SPON1: variants seen among roughly 807,000 people sequenced by gnomAD.
SPON1 encodes the protein spondin-1.
Under a neutral mutation model 111.7 loss-of-function variants are expected in SPON1, and 52 were observed. The ratio of observed to expected loss-of-function variants is 0.47; its 90% CI spans 0.37 to 0.59. SPON1 has a LOEUF of 0.59. Among genes scored for constraint, SPON1 ranks in the 20% least tolerant of loss-of-function variants. The pLI, the probability that SPON1 is intolerant of heterozygous loss-of-function variation, is 0.00. For missense variants in SPON1, 957 were observed against 1,068.5 expected (o/e 0.90, Z 1.46); for synonymous variants, 410 against 395.8 (o/e 1.04, Z -0.43).
At chr11:14,153,428 G>A (rs149399538) in intron 6 of SPON1, among the ~76,000 whole-genome samples, 1 of 152,266 alleles carries the variant, frequency 6.6e-6, no homozygotes, top group East Asian at 1.9e-4. Flanking sequence ...GTCCTATAAG[G>A]CTGGAGCAGG....
chr11:14,191,011 T>TAAAAAAAAAAAAAAA (rs1564927675), intron 6 of SPON1, among the ~76,000 whole-genome samples: 2 of 151,410 alleles, frequency 1.3e-5, no homozygotes, highest in African/African-American at 4.9e-5. Flanking sequence ...CATCACTTGG[T>TAAAAAAAAAAAAAAA]ATATAAAGAA....
intron 2 of SPON1, among the ~76,000 whole-genome samples, chr11:14,036,210 T>G (rs61120581): frequency 6.6e-6 from 1 of 152,172 alleles, no homozygotes; most frequent in African/African-American, 2.4e-5. Flanking sequence ...TATATTGTAA[T>G]GATATTTGTG....
At chr11:14,078,923 T>C (rs1406186451) in intron 4 of SPON1, among the ~76,000 whole-genome samples, 1 of 152,184 alleles carries the variant, frequency 6.6e-6, no homozygotes, top group African/African-American at 2.4e-5. Context: ...GGAAGTCTTG[T>C]AAAATGCTCT....
At chr11:14,116,345 C>T (rs1554926003) in intron 5 of SPON1, among the ~76,000 whole-genome samples, 1 of 152,018 alleles carries the variant, frequency 6.6e-6, no homozygotes, top group African/African-American at 2.4e-5. Context: ...CTTGTATTTC[C>T]TTCCAAAAGC....
At chr11:14,037,897 C>T (rs189237707) in intron 2 of SPON1, among the ~76,000 whole-genome samples, 5 of 152,250 alleles carry the variant, frequency 3.3e-5, no homozygotes, top group East Asian at 1.9e-4. Flanking sequence ...AAGGGCCAGG[C>T]GCGGTGGGTC....
At chr11:13,969,421 GGT>G (rs1238752980) in intron 1 of SPON1, among the ~76,000 whole-genome samples, 1 of 151,942 alleles carries the variant, frequency 6.6e-6, no homozygotes, top group Non-Finnish European at 1.5e-5. Flanking sequence ...GGAGTGCTGG[GGT>G]GTGTATGTGC....
At chr11:13,998,714 A>C (rs1398040359) in intron 2 of SPON1, among the ~76,000 whole-genome samples, 1 of 152,146 alleles carries the variant, frequency 6.6e-6, no homozygotes, top group Non-Finnish European at 1.5e-5. Context: ...GCCAGGTGAT[A>C]AGTGCTTTCC....
chr11:13,966,895 C>A (rs1167997923), intron 1 of SPON1, among the ~76,000 whole-genome samples: 1 of 152,104 alleles, frequency 6.6e-6, no homozygotes, highest in Non-Finnish European at 1.5e-5. Flanking sequence ...AGAAATAATT[C>A]ATGTCAAAAG....
At chr11:14,023,259 G>C (rs1418383384) in intron 2 of SPON1, among the ~76,000 whole-genome samples, 2 of 152,180 alleles carry the variant, frequency 1.3e-5, no homozygotes, top group Non-Finnish European at 2.9e-5. Context: ...TTAAATGTGC[G>C]CTCTGGCTTC....
At position 14,135,941 on chromosome 11, in the gene SPON1, ATGTT is replaced by A. The variant is rs1847586320; in HGVS notation, c.825+376_825+379del. ...CTGTCCAGCCAAATCCCCAAAATAA[ATGTT>A]TGAGTATTGGCACGTGCTTTTTGCA... On this transcript the variant is annotated intron_variant, in intron 6 of 15. Coordinates refer to ENST00000576479, the MANE Select transcript of SPON1 (RefSeq NM_006108.4). The surrounding 1 kb of genome is among the most constrained non-coding windows in gnomAD (Gnocchi z 4.4). Among the ~76,000 whole-genome samples, 1 of 152,260 alleles carries A rather than the reference ATGTT, an allele frequency of 6.6e-6. No individual in the cohort carries two copies. The highest frequency in any genetic ancestry group is 2.4e-5 in the African/African-American group (1 of 41,546).
At chr11:14,096,114 A>C (rs1849098979) in intron 5 of SPON1, among the ~76,000 whole-genome samples, 1 of 152,246 alleles carries the variant, frequency 6.6e-6, no homozygotes, top group Non-Finnish European at 1.5e-5. Flanking sequence ...AAGAGAAAGG[A>C]TTAAATATCT....
At chr11:14,099,340 C>A (rs73424107) in intron 5 of SPON1, among the ~76,000 whole-genome samples, 3,688 of 152,218 alleles carry the variant, frequency 0.024, 145 homozygotes, top group African/African-American at 0.083. Flanking sequence ...CACACATCCA[C>A]TTTTATATAT....
At chr11:13,967,022 T>A (rs1457371843) in intron 1 of SPON1, among the ~76,000 whole-genome samples, 2 of 152,248 alleles carry the variant, frequency 1.3e-5, no homozygotes, top group African/African-American at 4.8e-5. Flanking sequence ...TTCCGACTCA[T>A]CTCACTTATT....
In SPON1 at chr11:14,259,457, G is replaced by C; in HGVS notation, c.1663+7G>C. The C allele has an allele frequency of 6.2e-7, 1 of 1,603,724 alleles. No individual in the cohort carries two copies. Among genetic ancestry groups the C allele is most frequent in the Non-Finnish European group, 8.5e-7 (1 of 1,175,392 alleles). ...ACGGTCAACGAGGAGTGCTGTGAGT[G>C]GGGGCCCCGGGCGGGCAGGCGGGCA... is the stretch of plus-strand genomic sequence containing the variant. On this transcript the variant is annotated splice_region_variant and intron_variant, in intron 12 of 15. Coordinates refer to ENST00000576479, the MANE Select transcript of SPON1 (RefSeq NM_006108.4). The surrounding 1 kb of genome is among the most constrained non-coding windows in gnomAD (Gnocchi z 5.0).
At chr11:13,986,059 C>A (rs2133783491) in intron 2 of SPON1, among the ~76,000 whole-genome samples, 1 of 152,332 alleles carries the variant, frequency 6.6e-6, no homozygotes, top group South Asian at 2.1e-4. Flanking sequence ...TATTCAGCAG[C>A]ATTTGTTGAG....
chr11:14,089,435 C>G (rs558623156), intron 5 of SPON1, among the ~76,000 whole-genome samples: 3 of 152,228 alleles, frequency 2.0e-5, no homozygotes, highest in South Asian at 2.1e-4. Context: ...TACTCCAGAC[C>G]CTGTTCTCGT....
In SPON1 at chr11:14,184,072, G is replaced by A. The variant is rs1399330960; in HGVS notation, c.825+48504G>A. ...TATTATGTCAAACATCCAGCCCACG[G>A]CCCAGAACTCAAACATTCAACCGAA... On this transcript the variant is annotated intron_variant, in intron 6 of 15. Coordinates refer to ENST00000576479, the MANE Select transcript of SPON1 (RefSeq NM_006108.4). Among the ~76,000 whole-genome samples the A allele has an allele frequency of 3.9e-5, 6 of 152,230 alleles. No homozygotes were observed. The East Asian group carries it at 1.2e-3, about 29-fold the overall frequency.
chr11:14,209,560 C>T (rs1331503445), intron 6 of SPON1, among the ~76,000 whole-genome samples: 1 of 152,124 alleles, frequency 6.6e-6, no homozygotes, highest in African/African-American at 2.4e-5. Flanking sequence ...TGGTTTCCAG[C>T]TTCAACCATG....
chr11:14,087,049 G>A (rs1410277777), intron 5 of SPON1, among the ~76,000 whole-genome samples: 13 of 151,652 alleles, frequency 8.6e-5, no homozygotes, highest in Admixed American at 7.2e-4. Context: ...TTCTTTATTA[G>A]TCTGGCTAGC....
Sources: allele counts gnomAD v4.1 joint callset (sites outside exome capture counted in the v4.1 genomes callset), GRCh38; gene constraint gnomAD v4.1.1; non-coding constraint Gnocchi (gnomAD v3.1); transcripts MANE v1.5; gene names NCBI Gene and HGNC (gene_info 2026-07-23, HGNC 2026-07-21).